SREBF2: variants seen among roughly 807,000 people sequenced by gnomAD.
SREBF2 encodes sterol regulatory element binding transcription factor 2, also known as sterol regulatory element-binding protein 2.
Under a neutral mutation model 113.1 loss-of-function variants are expected in SREBF2, and 55 were observed. That is an observed-to-expected ratio of 0.49 (90% CI 0.39 to 0.61). SREBF2 has a LOEUF of 0.61. SREBF2 is among the 20% of genes least tolerant of loss of function. The pLI is 0.00. For missense variants in SREBF2, 1,349 were observed against 1,487.4 expected (o/e 0.91, Z 1.53); for synonymous variants, 593 against 605.7 (o/e 0.98, Z 0.31).
chr22:41,899,931 T>A, intron 15 of SREBF2: 1 of 1,139,616 alleles, frequency 8.8e-7, no homozygotes, highest in South Asian at 2.0e-5. Flanking sequence ...AGAAGCTAAC[T>A]AAGTATCTCC....
At position 41,848,060 on chromosome 22, in the gene SREBF2, C is replaced by T. The variant is rs1412750963; in HGVS notation, c.88+14702C>T. Among the ~76,000 whole-genome samples, 5 of 151,852 alleles carry T rather than the reference C, an allele frequency of 3.3e-5. No individual in the cohort carries two copies. The South Asian group carries it at 6.2e-4, about 19-fold the overall frequency. ...CTTCCCGAGTAGCTGGGACTACAGG[C>T]GCCCGCCACCACGCCCAGCTAATTT... On this transcript the variant is annotated intron_variant, in intron 1 of 18. Coordinates refer to ENST00000361204, the MANE Select transcript of SREBF2 (RefSeq NM_004599.4).
chr22:41,850,538 A>G (rs2076918406), intron 1 of SREBF2, among the ~76,000 whole-genome samples: 1 of 152,054 alleles, frequency 6.6e-6, no homozygotes, highest in South Asian at 2.1e-4. Flanking sequence ...AGTCTGTCTT[A>G]CAGCTTTTCC....
chr22:41,904,915 G>A lies in SREBF2; in HGVS notation c.3146G>A (p.Arg1049His), dbSNP rs538103052. The change falls in exon 18 of 19, where the codon CGC (arginine) becomes CAC (histidine). Residue 1049 changes from arginine to histidine, a missense_variant. Arg to His is a conservative substitution (Grantham distance 29). This residue lies in a region of SREBF2 where 650 missense variants were observed against 644.1 expected (regional missense o/e 1.01). Transcript: ENST00000361204. ...CTGATGGCAGGAGCCAGCCCCACCC[G>A]CACCCACCAGCTGCTGGAACACAGC... ...VRLMAGASPT[R>H]THQLLEHSLR... is the part of the protein sequence containing the mutation. 8.1e-6 allele frequency: 13 copies of A among 1,605,214 alleles called. No homozygotes were observed. Among genetic ancestry groups the A allele is most frequent in the East Asian group, 4.5e-5 (2 of 44,720 alleles).
intron 11 of SREBF2, among the ~76,000 whole-genome samples, chr22:41,891,942 G>T (rs1602338391): frequency 6.6e-6 from 1 of 152,236 alleles, no homozygotes; most frequent in African/African-American, 2.4e-5. Flanking sequence ...TGTCAGTGGG[G>T]TCCTGGAATG....
rs573019069 is a variant in SREBF2 at position 41,874,032 on chromosome 22, C to T, written c.1089+13C>T. 1.2e-6 allele frequency: 2 copies of T among 1,613,790 alleles called. No homozygotes were observed. Among genetic ancestry groups the T allele is most frequent in the African/African-American group, 1.3e-5 (1 of 74,894 alleles). On this transcript the variant is annotated intron_variant, in intron 5 of 18. Transcript: ENST00000361204. ...GACAGACGCCAAGGTGGGTGCCAAG[C>T]AAAATTGTGTTTTATGTTCCACCAT...
chr22:41,868,834 T>A (rs1569390293), intron 3 of SREBF2, 42 bp downstream of exon 3: 2 of 1,567,462 alleles, frequency 1.3e-6, no homozygotes, highest in African/African-American at 2.7e-5. Flanking sequence ...TGGTTGGGGC[T>A]GTTAACTGGT....
rs754805210 is a variant in SREBF2 at position 41,875,607 on chromosome 22, C to T, written c.1269C>T (p.Asp423=). 1.9e-6 allele frequency: 3 copies of T among 1,614,126 alleles called. No individual in the cohort carries two copies. Among genetic ancestry groups the T allele is most frequent in the Non-Finnish European group, 2.5e-6 (3 of 1,180,058 alleles). ...VDNEVDLKIE[D]FNQNVLLMSP... ...ATGAGGTGGACCTGAAGATCGAGGA[C>T]TTTAATCAGAATGTCCTTCTGATGT... Residue 423 remains aspartate, a synonymous_variant, in exon 7 of 19, where the codon GAC becomes GAT. Transcript: ENST00000361204.
chr22:41,900,558 T>C, intron 16 of SREBF2, 60 bp downstream of exon 16: 1 of 1,546,634 alleles, frequency 6.5e-7, no homozygotes, highest in South Asian at 1.1e-5. Flanking sequence ...ACGAGAACAC[T>C]CCCACTCACC....
At chr22:41,873,698 G>A (rs2077166647) in intron 4 of SREBF2, 100 bp from the exon 5 acceptor site, 1 of 1,207,292 alleles carries the variant, frequency 8.3e-7, no homozygotes, top group African/African-American at 1.5e-5. Flanking sequence ...AGTACTGCCA[G>A]GTCTGGCAGC....
intron 10 of SREBF2, among the ~76,000 whole-genome samples, chr22:41,882,936 T>G (rs1216893584): frequency 6.6e-6 from 1 of 152,066 alleles, no homozygotes; most frequent in Non-Finnish European, 1.5e-5. Flanking sequence ...AGACTCCATC[T>G]CTCCAAAAAA....
At chr22:41,890,529 T>C (rs1451257518) in intron 11 of SREBF2, among the ~76,000 whole-genome samples, 1 of 152,220 alleles carries the variant, frequency 6.6e-6, no homozygotes, top group African/African-American at 2.4e-5. Flanking sequence ...ACTGAGTGGC[T>C]CTCAGGATCT....
intron 1 of SREBF2, among the ~76,000 whole-genome samples, chr22:41,851,199 T>C (rs994784126): frequency 1.3e-5 from 2 of 152,230 alleles, no homozygotes; most frequent in Non-Finnish European, 2.9e-5. Flanking sequence ...ATTTATTCTG[T>C]AAATAAAATA....
intron 1 of SREBF2, among the ~76,000 whole-genome samples, chr22:41,843,735 C>T (rs1410431261): frequency 2.0e-5 from 3 of 152,104 alleles, no homozygotes; most frequent in African/African-American, 7.2e-5. Flanking sequence ...TAGCTCATAC[C>T]TGTAATCCTA....
chr22:41,840,175 G>C (rs1437400608), intron 1 of SREBF2, among the ~76,000 whole-genome samples: 1 of 151,952 alleles, frequency 6.6e-6, no homozygotes, highest in African/African-American at 2.4e-5. Context: ...GGCCAGGCTG[G>C]TCTTGAACTC....
chr22:41,852,122 A>G (rs1382131432), intron 1 of SREBF2, among the ~76,000 whole-genome samples: 2 of 152,028 alleles, frequency 1.3e-5, no homozygotes, highest in African/African-American at 2.4e-5. Flanking sequence ...CTCCATCTCA[A>G]ACAAACAAAC....
At chr22:41,852,119 T>TCAAA (rs1021136972) in intron 1 of SREBF2, among the ~76,000 whole-genome samples, 5 of 150,788 alleles carry the variant, frequency 3.3e-5, no homozygotes, top group African/African-American at 7.3e-5. Flanking sequence ...AGACTCCATC[T>TCAAA]CAAACAAACA....
At position 41,902,975 on chromosome 22, in the gene SREBF2, C is replaced by T. The variant is rs748529876; in HGVS notation, c.2913C>T (p.Val971=). The T allele has an allele frequency of 6.2e-7, 1 of 1,610,060 alleles. No homozygotes were observed. Among genetic ancestry groups the T allele is most frequent in the East Asian group, 2.2e-5 (1 of 44,790 alleles). ...ATSDPALNHV[V]QLLTCDLLLS... The stretch of plus-strand genomic sequence containing the variant: ...TCTCGTGGCTGACCCCACAGGTGGT[C>T]CAGCTGCTCACCTGTGACCTGCTAC... The change falls in exon 17 of 19, where the codon GTC becomes GTT. Residue 971 remains valine, a synonymous_variant. Coordinates refer to ENST00000361204, the MANE Select transcript of SREBF2 (RefSeq NM_004599.4).
At chr22:41,899,840 C>T (rs947347025) in intron 15 of SREBF2, among the ~76,000 whole-genome samples, 1 of 152,196 alleles carries the variant, frequency 6.6e-6, no homozygotes, top group Non-Finnish European at 1.5e-5. Context: ...CTGGGTCCCT[C>T]TGCTTTTCAG....
rs191835473 is a variant in SREBF2, at chr22:41,906,239, A to G, written c.*579A>G. The G allele has an allele frequency of 1.5e-3, 476 of 321,510 alleles. 2 individuals are homozygous for G. The highest frequency in any genetic ancestry group is 8.7e-3 in the African/African-American group (398 of 45,856). 19.9% of individuals were successfully genotyped at this position (321,510 alleles called of 1,614,324 possible). On this transcript the variant is annotated 3_prime_UTR_variant, in exon 19 of 19. Coordinates refer to ENST00000361204, the MANE Select transcript of SREBF2 (RefSeq NM_004599.4). ...TGCTCATTGTTTTTCCCTTTATTAC[A>G]CAGGACAGCCAGGGGAGGAGGGGGG...
Sources: allele counts gnomAD v4.1 joint callset (sites outside exome capture counted in the v4.1 genomes callset), GRCh38; gene constraint gnomAD v4.1.1; regional missense constraint gnomAD v4.1.1; transcripts MANE v1.5; gene names NCBI Gene and HGNC (gene_info 2026-07-23, HGNC 2026-07-21).